The following ACOXL variants were observed in gnomAD, a reference collection of about 807,000 sequenced individuals.
ACOXL encodes the protein acyl-coenzyme A oxidase-like protein.
ACOXL carries 70 observed loss-of-function variants against 71.9 expected under a neutral mutation model. The ratio of observed to expected loss-of-function variants is 0.97; its 90% CI spans 0.80 to 1.19. ACOXL has a LOEUF of 1.19. ACOXL is among the 50% of genes most tolerant of loss of function. The pLI, the probability that ACOXL is intolerant of heterozygous loss-of-function variation, is 0.00. For synonymous variants in ACOXL, 253 were observed against 281.6 expected, an observed-to-expected ratio of 0.90 and a Z score of 1.02; for missense variants, 703 against 736.3, an observed-to-expected ratio of 0.95 and a Z score of 0.52.
intron 11 of ACOXL, among the ~76,000 whole-genome samples, chr2:110,931,318 A>G (rs2060472146): frequency 6.6e-6 from 1 of 152,106 alleles, no homozygotes; most frequent in African/African-American, 2.4e-5. Flanking sequence ...TTTATTTCTT[A>G]TTTCCCACCT....
At chr2:110,918,901 C>T (rs2059962252) in intron 11 of ACOXL, among the ~76,000 whole-genome samples, 1 of 152,146 alleles carries the variant, frequency 6.6e-6, no homozygotes, top group South Asian at 2.1e-4. Context: ...TGTCAGAAAA[C>T]AACAGATGGT....
chr2:111,004,466 T>C (rs6731964), intron 14 of ACOXL, among the ~76,000 whole-genome samples: 136,629 of 152,106 alleles, frequency 0.9, 61,620 homozygotes, highest in African/African-American at 0.97. Context: ...TAATGCATTC[T>C]CCTGCTTGGT....
intron 11 of ACOXL, among the ~76,000 whole-genome samples, chr2:110,932,011 T>C (rs948648792): frequency 5.9e-5 from 9 of 152,208 alleles, no homozygotes; most frequent in Admixed American, 3.3e-4. Context: ...AGTCCCAAAC[T>C]GGAAACAACC....
intron 16 of ACOXL, among the ~76,000 whole-genome samples, chr2:111,091,465 A>C (rs1027210357): frequency 1.3e-5 from 2 of 152,188 alleles, no homozygotes; most frequent in Non-Finnish European, 2.9e-5. Context: ...ATGAGGATTA[A>C]ATTTCTGCAC....
At chr2:110,737,513 A>G (rs1677013055) in intron 1 of ACOXL, among the ~76,000 whole-genome samples, 4 of 152,272 alleles carry the variant, frequency 2.6e-5, no homozygotes, top group Middle Eastern at 6.8e-3. Context: ...ACCATATTTT[A>G]TTTCCTTCTG....
intron 10 of ACOXL, among the ~76,000 whole-genome samples, chr2:110,860,020 C>T (rs2148976589): frequency 6.6e-6 from 1 of 152,334 alleles, no homozygotes; most frequent in South Asian, 2.1e-4. Context: ...TGCTTCCTAT[C>T]TGTGACTTTG....
chr2:110,977,600 A>G (rs559180190), intron 12 of ACOXL, among the ~76,000 whole-genome samples: 5 of 152,180 alleles, frequency 3.3e-5, no homozygotes, highest in Non-Finnish European at 1.5e-5. Context: ...TTCCAAATCC[A>G]TTGACCCATA....
In ACOXL at chr2:111,031,635, C is replaced by A; in HGVS notation, c.1290C>A (p.Thr430=). The change falls in exon 15 of 18, where the codon ACC becomes ACA. Residue 430 remains threonine, a synonymous_variant. Transcript: ENST00000439055. ...LVARIYYKVK[T]KKEDFFHAWN... ...TTCTGTCGATTGGACAGGTAAAGAC[C>A]AAGAAGGAGGATTTTTTCCATGCCT... 6.2e-7 allele frequency: 1 copy of A among 1,614,106 alleles called. No homozygotes were observed. The highest frequency in any genetic ancestry group is 8.5e-7 in the Non-Finnish European group (1 of 1,180,004).
chr2:111,041,806 C>T (rs944988532), intron 15 of ACOXL, among the ~76,000 whole-genome samples: 1 of 152,310 alleles, frequency 6.6e-6, no homozygotes, highest in African/African-American at 2.4e-5. Flanking sequence ...GTGAATGGTG[C>T]ATTTGCCCCA....
intron 10 of ACOXL, among the ~76,000 whole-genome samples, chr2:110,892,822 A>C (rs544234910): frequency 6.6e-6 from 1 of 152,340 alleles, no homozygotes; most frequent in East Asian, 1.9e-4. Context: ...GTCAGTTGGA[A>C]GGAGGAAGAT....
rs533344507 is a variant in ACOXL at position 110,789,342 on chromosome 2, G to A, written c.160-4308G>A. ...CATGCTTCCTTTTCTGCTTCTCCAT[G>A]GCTGTTCTATTTTGCCTTATTTGAA... On this transcript the variant is annotated intron_variant, in intron 3 of 17. Transcript: ENST00000439055. 2.0e-5 allele frequency among the ~76,000 whole-genome samples: 3 copies of A among 152,262 alleles called. No individual in the cohort carries two copies. The East Asian group carries it at 5.8e-4, about 29-fold the overall frequency.
intron 12 of ACOXL, among the ~76,000 whole-genome samples, chr2:110,983,465 T>C (rs1444152138): frequency 2.6e-5 from 4 of 152,210 alleles, no homozygotes; most frequent in Admixed American, 2.0e-4. Flanking sequence ...GGGACCTTTT[T>C]TAAAAGAAAA....
At chr2:111,093,424 A>G (rs745408575) in intron 17 of ACOXL, 12 of 1,611,614 alleles carry the variant, frequency 7.4e-6, no homozygotes, top group Non-Finnish European at 9.3e-6. Context: ...TACTGCAAAG[A>G]AAAAGAATGT....
chr2:110,805,322 G>A lies in ACOXL; in HGVS notation c.680G>A (p.Arg227Lys). 1 of 1,614,260 alleles carries A rather than the reference G, an allele frequency of 6.2e-7. No homozygotes were observed. Among genetic ancestry groups the A allele is most frequent in the Non-Finnish European group, 8.5e-7 (1 of 1,180,038 alleles). ...TCGCCTATTAGGAACAAGAGTGCAA[G>A]ATTCAATGCCATGCTGGCAGCACTG... is the stretch of plus-strand genomic sequence containing the variant. ...YHSPIRNKSARFNAMLAALTP... is the reference protein window; with the variant it reads ...YHSPIRNKSAKFNAMLAALTP... Residue 227 changes from arginine (R) to lysine (K), a missense_variant, in exon 9 of 18, where the codon AGA (arginine) becomes AAA (lysine). Arg to Lys is a conservative substitution (Grantham distance 26, BLOSUM62 2). Transcript: ENST00000439055.
At chr2:110,764,343 AG>A (rs2104940668) in intron 1 of ACOXL, among the ~76,000 whole-genome samples, 1 of 152,326 alleles carries the variant, frequency 6.6e-6, no homozygotes, top group African/African-American at 2.4e-5. Flanking sequence ...AAAAAAAATG[AG>A]GTATCAAGCC....
intron 3 of ACOXL, among the ~76,000 whole-genome samples, chr2:110,787,901 T>A (rs1025496371): frequency 6.6e-6 from 1 of 152,208 alleles, no homozygotes; most frequent in Non-Finnish European, 1.5e-5. Context: ...TTCTTACAGT[T>A]TTCTGCCATA....
intron 9 of ACOXL, among the ~76,000 whole-genome samples, chr2:110,833,475 G>A (rs1228989773): frequency 1.3e-5 from 2 of 152,122 alleles, no homozygotes; most frequent in African/African-American, 2.4e-5. Flanking sequence ...AGGGATGCTT[G>A]CGGGGATGGA....
intron 15 of ACOXL, among the ~76,000 whole-genome samples, chr2:111,049,005 C>G (rs936593690): frequency 6.6e-6 from 1 of 152,102 alleles, no homozygotes; most frequent in Non-Finnish European, 1.5e-5. Flanking sequence ...GCCTTGTACT[C>G]TACTGTAATG....
chr2:110,873,899 C>T (rs1189657483), intron 10 of ACOXL, among the ~76,000 whole-genome samples: 2 of 152,236 alleles, frequency 1.3e-5, no homozygotes, highest in Non-Finnish European at 2.9e-5. Flanking sequence ...CCTTCCCTCA[C>T]CAGTGTATGA....
Sources: allele counts gnomAD v4.1 joint callset (sites outside exome capture counted in the v4.1 genomes callset), GRCh38; gene constraint gnomAD v4.1.1; transcripts MANE v1.5; gene names NCBI Gene and HGNC (gene_info 2026-07-23, HGNC 2026-07-21).